The following STRADB variants were observed in gnomAD, a reference collection of about 807,000 sequenced individuals.
The protein encoded by STRADB is STE20 related adaptor beta.
A neutral mutation model predicts 52.1 loss-of-function variants in STRADB; 34 were observed. That is an observed-to-expected ratio of 0.65 (90% CI 0.50 to 0.87). The LOEUF (loss-of-function observed/expected upper bound fraction) is 0.87, where lower values mean the gene tolerates loss of function less well. Ranked by LOEUF, STRADB falls within the 40% of genes least tolerant of loss-of-function variation. The probability of loss-of-function intolerance (pLI) is 0.00; values close to 1 mark genes in which losing one functional copy is unlikely to be tolerated. For synonymous variants in STRADB, 133 were observed against 174.5 expected (o/e 0.76, Z 1.87); for missense variants, 340 against 483.9 (o/e 0.70, Z 2.79).
Position 201,478,448 on chromosome 2 carries a change from C to G in STRADB, c.917C>G (p.Ser306Ter), listed in dbSNP as rs773664885. Residue 306 changes from serine (S) to a stop codon, truncating the protein, a stop_gained, in exon 10 of 12, where the codon TCA becomes TGA. Transcript: ENST00000194530. LOFTEE classifies it high-confidence loss of function. ...GAATCCAGAATGAAAAATTCCCAGT[C>G]AGGTGTAGACTCTGGGATTGGAGAA... The part of the protein sequence containing the change: ...QSESRMKNSQ[S>*]GVDSGIGESV... 1 of 1,614,044 alleles carries G rather than the reference C, an allele frequency of 6.2e-7. No individual in the cohort carries two copies. Among genetic ancestry groups the G allele is most frequent in the Non-Finnish European group, 8.5e-7 (1 of 1,180,022 alleles).
At chr2:201,475,915 A>T (rs1292891622) in intron 7 of STRADB, among the ~76,000 whole-genome samples, 173 bp downstream of exon 7, 1 of 152,170 alleles carries the variant, frequency 6.6e-6, no homozygotes, top group Non-Finnish European at 1.5e-5. Context: ...TTTTATGTCC[A>T]TTCGCCAAAC....
At chr2:201,475,355 A>G (rs528093164) in intron 6 of STRADB, among the ~76,000 whole-genome samples, 1 of 152,104 alleles carries the variant, frequency 6.6e-6, no homozygotes, top group East Asian at 1.9e-4. Flanking sequence ...AAAAAAAAAT[A>G]TATATATATA....
intron 2 of STRADB, among the ~76,000 whole-genome samples, chr2:201,458,006 A>C (rs1250108434): frequency 6.6e-6 from 1 of 152,186 alleles, no homozygotes; most frequent in Non-Finnish European, 1.5e-5. Context: ...CCTGGGTGAC[A>C]GACTGAGACT....
intron 3 of STRADB, among the ~76,000 whole-genome samples, chr2:201,466,398 A>G (rs1952305336): frequency 6.6e-6 from 1 of 152,188 alleles, no homozygotes; most frequent in Non-Finnish European, 1.5e-5. Context: ...GCAGAAGCAT[A>G]ATCTGAAGTC....
chr2:201,474,185 C>T (rs545623620), intron 5 of STRADB, among the ~76,000 whole-genome samples: 5 of 152,164 alleles, frequency 3.3e-5, no homozygotes, highest in South Asian at 2.1e-4. Context: ...CCACCGTGCC[C>T]GGCCCCAATT....
At chr2:201,455,643 G>A (rs1027472281) in intron 2 of STRADB, among the ~76,000 whole-genome samples, 2 of 151,908 alleles carry the variant, frequency 1.3e-5, no homozygotes, top group Non-Finnish European at 2.9e-5. Context: ...GATCAAGGCT[G>A]CAGTGAACTG....
rs1026650046 is a variant in STRADB at position 201,451,810 on chromosome 2, T to TCCCGCGC, written c.-215_-209dup. On this transcript the variant is annotated 5_prime_UTR_variant, in exon 1 of 12. Coordinates refer to ENST00000194530, the MANE Select transcript of STRADB (RefSeq NM_018571.6). ...GGCCCCGGTCGCGGCCTCGCCGCCCTCCCGCGCCCCGCGCCGGGAGCGGGC... is the reference window on the plus strand; with the variant it reads ...GGCCCCGGTCGCGGCCTCGCCGCCCTCCCGCGCCCCGCGCCCCGCGCCGGGAGCGGGC... 6 of 151,008 alleles carry TCCCGCGC rather than the reference T, an allele frequency of 4.0e-5. No homozygotes were observed. Among genetic ancestry groups the TCCCGCGC allele is most frequent in the East Asian group, 2.0e-4 (1 of 5,028 alleles). 9.4% of individuals were successfully genotyped at this position (151,008 alleles called of 1,614,324 possible).
intron 9 of STRADB, 57 bp from the exon 10 acceptor site, chr2:201,478,300 G>T (rs1238662763): frequency 1.2e-6 from 2 of 1,602,188 alleles, no homozygotes; most frequent in African/African-American, 1.3e-5. Flanking sequence ...CTTTATTGTT[G>T]TTACTGTTTT....
intron 6 of STRADB, 72 bp downstream of exon 6, chr2:201,474,827 G>C: frequency 8.6e-7 from 1 of 1,165,746 alleles, no homozygotes; most frequent in Non-Finnish European, 1.2e-6. Context: ...TGGGATTTTA[G>C]ATTTATGATT....
Position 201,469,988 on chromosome 2 carries a change from C to A in STRADB, c.129C>A (p.Ser43=), listed in dbSNP as rs747317827. 1.3e-5 allele frequency: 21 copies of A among 1,613,948 alleles called. 1 individual carries two copies. The South Asian group carries it at 2.2e-4, about 17-fold the overall frequency. ...CAACCCTTTCCTGGTCACGTCCATC[C>A]ACTAGAGCCAGTGAAGTACTATGTT... ...DEPTLSWSRP[S]TRASEVLCST... The change falls in exon 4 of 12, where the codon TCC becomes TCA. Residue 43 remains serine, a synonymous_variant. Coordinates refer to ENST00000194530, the MANE Select transcript of STRADB (RefSeq NM_018571.6).
intron 3 of STRADB, among the ~76,000 whole-genome samples, chr2:201,463,256 C>T (rs1952245581): frequency 1.4e-5 from 2 of 146,230 alleles, no homozygotes; most frequent in African/African-American, 2.5e-5. Flanking sequence ...ATTGCTTGAA[C>T]TTGGGAGGTG....
chr2:201,470,040 C>G lies in STRADB; in HGVS notation c.181C>G (p.Gln61Glu). The G allele has an allele frequency of 6.2e-7, 1 of 1,611,752 alleles. No homozygotes were observed. Among genetic ancestry groups the G allele is most frequent in the Middle Eastern group, 1.7e-4 (1 of 6,050 alleles). Reference sequence around the variant, plus strand: ...CACCAACGTTTCTCACTATGAGCTCCAAGTAGAAATAGGTAATAATCCTGA... The same window carrying G: ...CACCAACGTTTCTCACTATGAGCTCGAAGTAGAAATAGGTAATAATCCTGA... ...CSTNVSHYEL[Q>E]VEIGRGFDNL... The change falls in exon 4 of 12, where the codon CAA (glutamine) becomes GAA (glutamate). Residue 61 changes from glutamine to glutamate, a missense_variant. Gln to Glu is a conservative substitution (Grantham distance 29). Coordinates refer to ENST00000194530, the MANE Select transcript of STRADB (RefSeq NM_018571.6).
At chr2:201,457,887 G>A (rs1197136154) in intron 2 of STRADB, among the ~76,000 whole-genome samples, 2 of 152,126 alleles carry the variant, frequency 1.3e-5, no homozygotes, top group African/African-American at 4.8e-5. Flanking sequence ...AGCGGGGCGT[G>A]GTGGCAGGTG....
intron 3 of STRADB, among the ~76,000 whole-genome samples, chr2:201,462,673 G>A (rs1952234050): frequency 5.3e-5 from 8 of 152,184 alleles, no homozygotes; most frequent in Admixed American, 4.6e-4. Flanking sequence ...AATAAAAACT[G>A]TACACTTTAA....
chr2:201,453,046 C>G lies in STRADB; in HGVS notation c.-96+1108C>G, dbSNP rs144643186. On this transcript the variant is annotated intron_variant, in intron 1 of 11. Transcript: ENST00000194530. ...AATAACAGCAAATCCCCCACCCCCA[C>G]CCCTTTGCTGGGTGCAGCTGCTGCC... Among the ~76,000 whole-genome samples, 22 of 151,632 alleles carry G rather than the reference C, an allele frequency of 1.5e-4. No individual in the cohort carries two copies. In the East Asian group the frequency reaches 4.3e-3, roughly 29 times the overall value.
chr2:201,461,348 C>G (rs886610327), intron 3 of STRADB, among the ~76,000 whole-genome samples: 1 of 151,814 alleles, frequency 6.6e-6, no homozygotes, highest in Non-Finnish European at 1.5e-5. Context: ...ATTACCACAC[C>G]CAGCTAATTA....
intron 6 of STRADB, 78 bp downstream of exon 6, chr2:201,474,833 T>C (rs761329613): frequency 1.3e-5 from 14 of 1,114,934 alleles, no homozygotes; most frequent in Non-Finnish European, 1.8e-5. Context: ...TTTAGATTTA[T>C]GATTTGCCAC....
chr2:201,464,661 T>C (rs778999165), intron 3 of STRADB, among the ~76,000 whole-genome samples: 2 of 152,320 alleles, frequency 1.3e-5, no homozygotes, highest in Non-Finnish European at 2.9e-5. Flanking sequence ...CCAGGCTGTG[T>C]CCTTCTCTTC....
At chr2:201,456,915 G>T (rs1952137233) in intron 2 of STRADB, among the ~76,000 whole-genome samples, 1 of 152,214 alleles carries the variant, frequency 6.6e-6, no homozygotes, top group African/African-American at 2.4e-5. Context: ...GTTGTGACAT[G>T]TGAAATGTTG....
Sources: gnomAD v4.1 joint callset for allele counts (sites outside exome capture counted in the v4.1 genomes callset) on GRCh38, gnomAD v4.1.1 for gene constraint, MANE v1.5 for transcripts, NCBI Gene and HGNC (gene_info 2026-07-23, HGNC 2026-07-21) for gene names.